The following SESN1 variants were observed in gnomAD, a reference collection of about 807,000 sequenced individuals.
The protein encoded by SESN1 is sestrin-1.
SESN1 carries 30 observed loss-of-function variants against 59.3 expected under a neutral mutation model. The observed-to-expected ratio is 0.51, with a 90% confidence interval of 0.38 to 0.69. The LOEUF (loss-of-function observed/expected upper bound fraction) is 0.69, where lower values mean the gene tolerates loss of function less well. SESN1 is among the 30% of genes least tolerant of loss of function. SESN1 has a pLI of 0.00. For synonymous variants in SESN1, 197 were observed against 219.9 expected (o/e 0.90, Z 0.92); for missense variants, 566 against 673.0 (o/e 0.84, Z 1.76).
At chr6:109,062,076 G>C (rs79976846) in intron 1 of SESN1, among the ~76,000 whole-genome samples, 2 of 152,178 alleles carry the variant, frequency 1.3e-5, no homozygotes, top group East Asian at 1.9e-4. Flanking sequence ...CCAGATTGGA[G>C]TGCAGTGGTA....
At chr6:109,007,264 G>GT (rs756414634) in intron 1 of SESN1, among the ~76,000 whole-genome samples, 6 of 152,250 alleles carry the variant, frequency 3.9e-5, no homozygotes, top group Non-Finnish European at 7.4e-5. Context: ...CAATGTTTGT[G>GT]TACTGAAAAG....
Position 109,009,525 on chromosome 6 carries a change from T to A in SESN1, c.280-7182A>T, listed in dbSNP as rs1411056653. ...GCGCTGGGCAGCCGGCCGCGGCTCCTGGCTGCAGCGCCTCAGTCAGCACGG... is the reference window on the plus strand; with the variant it reads ...GCGCTGGGCAGCCGGCCGCGGCTCCAGGCTGCAGCGCCTCAGTCAGCACGG... On this transcript the variant is annotated intron_variant, in intron 1 of 9. Coordinates refer to ENST00000436639, the MANE Select transcript of SESN1 (RefSeq NM_014454.3). The A allele has an allele frequency of 4.2e-6, 5 of 1,180,342 alleles. No individual in the cohort carries two copies. The African/African-American group carries it at 4.9e-5, about 11-fold the overall frequency. The allele number at this position is 1,180,342 out of a possible 1,614,324, so 73.1% of individuals were successfully genotyped here. A position where few individuals can be genotyped will look rare whatever the true frequency, so the allele number is the denominator to read the frequency against.
At chr6:109,072,140 A>C (rs1414711774) in intron 1 of SESN1, among the ~76,000 whole-genome samples, 1 of 152,168 alleles carries the variant, frequency 6.6e-6, no homozygotes, top group Admixed American at 6.5e-5. Flanking sequence ...CTAATTACTT[A>C]ATTTAATTAA....
intron 1 of SESN1, chr6:109,009,646 G>A: frequency 1.3e-6 from 1 of 788,608 alleles, no homozygotes; most frequent in South Asian, 5.8e-5. Context: ...AGCCAATGCG[G>A]GCTCGCGTCC....
At chr6:109,050,268 T>C (rs1020238113) in intron 1 of SESN1, among the ~76,000 whole-genome samples, 2 of 151,930 alleles carry the variant, frequency 1.3e-5, no homozygotes, top group African/African-American at 4.8e-5. Flanking sequence ...TGCTACCAGC[T>C]GAAGGTGGCA....
chr6:109,090,271 C>T (rs1781289956), intron 1 of SESN1, among the ~76,000 whole-genome samples: 1 of 152,116 alleles, frequency 6.6e-6, no homozygotes, highest in Admixed American at 6.6e-5. Context: ...AAAGTACAGT[C>T]CCATACTGCG....
chr6:109,038,506 A>G (rs996700086), intron 1 of SESN1, among the ~76,000 whole-genome samples: 2 of 152,206 alleles, frequency 1.3e-5, no homozygotes, highest in Non-Finnish European at 2.9e-5. Flanking sequence ...CTCAAAAAAC[A>G]AAAAACAACA....
chr6:109,033,209 T>C (rs1036120964), intron 1 of SESN1, among the ~76,000 whole-genome samples: 3 of 152,092 alleles, frequency 2.0e-5, no homozygotes, highest in Admixed American at 2.0e-4. Flanking sequence ...CACTTTAAGC[T>C]AAAGAGAGTG....
rs1779199396 is a variant in SESN1 at position 108,986,556 on chromosome 6, T to G, written c.*988A>C. 2.6e-5 allele frequency: 4 copies of G among 152,670 alleles called. No homozygotes were observed. Among genetic ancestry groups the G allele is most frequent in the Admixed American group, 2.6e-4 (4 of 15,286 alleles). The allele number at this position is 152,670 out of a possible 1,614,324, so 9.5% of individuals were successfully genotyped here. A position where few individuals can be genotyped will look rare whatever the true frequency, so the allele number is the denominator to read the frequency against. On this transcript the variant is annotated 3_prime_UTR_variant, in exon 10 of 10. Coordinates refer to ENST00000436639, the MANE Select transcript of SESN1 (RefSeq NM_014454.3). ...TACATATTTTCAAACCTGTTTGCAT[T>G]TCAAACAAAGTTAGCGTTTTTGTAA...
At chr6:109,013,398 G>A (rs929765016) in intron 1 of SESN1, among the ~76,000 whole-genome samples, 8 of 152,172 alleles carry the variant, frequency 5.3e-5, no homozygotes, top group Non-Finnish European at 1.2e-4. Context: ...TGGTAGTTAA[G>A]TTCCTTGAGG....
chr6:109,032,258 G>A (rs917985059), intron 1 of SESN1, among the ~76,000 whole-genome samples: 1 of 151,520 alleles, frequency 6.6e-6, no homozygotes, highest in East Asian at 2.0e-4. Context: ...GGCAACAAGA[G>A]CGAAACTCTG....
chr6:109,008,828 C>G, intron 1 of SESN1: 1 of 985,534 alleles, frequency 1.0e-6, no homozygotes, highest in Non-Finnish European at 1.2e-6. Context: ...ATAGAGCTTG[C>G]AGGACACACT....
intron 1 of SESN1, among the ~76,000 whole-genome samples, chr6:109,061,294 C>T (rs1487745872): frequency 6.6e-6 from 1 of 151,928 alleles, no homozygotes; most frequent in Non-Finnish European, 1.5e-5. Flanking sequence ...AAAAAACAGC[C>T]TTGACCAAAA....
At chr6:109,057,802 C>T (rs957706712) in intron 1 of SESN1, among the ~76,000 whole-genome samples, 2 of 152,154 alleles carry the variant, frequency 1.3e-5, no homozygotes, top group African/African-American at 2.4e-5. Context: ...TTCAGCTACA[C>T]CCCAAAACAC....
At chr6:109,012,244 C>CT (rs1050059466) in intron 1 of SESN1, among the ~76,000 whole-genome samples, 1,983 of 138,890 alleles carry the variant, frequency 0.014, 31 homozygotes, top group African/African-American at 0.037. Context: ...TTTGATATTT[C>CT]TTTTTTTTTT....
intron 1 of SESN1, among the ~76,000 whole-genome samples, chr6:109,012,630 T>C (rs1306183021): frequency 1.3e-5 from 2 of 152,086 alleles, no homozygotes; most frequent in Non-Finnish European, 2.9e-5. Flanking sequence ...CTTAGAGTAT[T>C]AGTAGAGAGG....
In SESN1 at chr6:109,068,183, C is replaced by T. The variant is rs917589694; in HGVS notation, c.279+25612G>A. 1.8e-4 allele frequency among the ~76,000 whole-genome samples: 28 copies of T among 152,280 alleles called. No homozygotes were observed. In the South Asian group the frequency reaches 2.3e-3, roughly 12 times the overall value. On this transcript the variant is annotated intron_variant, in intron 1 of 9. Transcript: ENST00000436639. ...TTGGTTTCTCTTAACCCTGCATACA[C>T]CTTTGTAGACAGTCCTTTTTCTCTT... is the stretch of plus-strand genomic sequence containing the variant.
intron 1 of SESN1, among the ~76,000 whole-genome samples, chr6:109,049,091 T>A (rs546525751): frequency 7.9e-5 from 12 of 152,278 alleles, no homozygotes; most frequent in African/African-American, 2.9e-4. Context: ...TCTGCAAGGC[T>A]TTGAGAACAT....
chr6:109,026,347 G>C (rs1328185005), intron 1 of SESN1, among the ~76,000 whole-genome samples: 2 of 152,122 alleles, frequency 1.3e-5, no homozygotes, highest in South Asian at 2.1e-4. Flanking sequence ...CAAAGAAAAA[G>C]TTCTTTGTAT....
Sources: gnomAD v4.1 joint callset for allele counts (sites outside exome capture counted in the v4.1 genomes callset) on GRCh38, gnomAD v4.1.1 for gene constraint, MANE v1.5 for transcripts, NCBI Gene and HGNC (gene_info 2026-07-23, HGNC 2026-07-21) for gene names.